WDR1: variants seen among roughly 807,000 people sequenced by gnomAD.
WDR1 encodes WD repeat-containing protein 1.
A neutral mutation model predicts 71.9 loss-of-function variants in WDR1; 21 were observed. That is an observed-to-expected ratio of 0.29 (90% CI 0.21 to 0.42). The LOEUF is 0.42. WDR1 is among the 10% of genes least tolerant of loss of function. WDR1 has a pLI of 1.00. For synonymous variants in WDR1, 424 were observed against 347.4 expected (o/e 1.22, Z -2.45); for missense variants, 696 against 824.5 (o/e 0.84, Z 1.91).
At position 10,087,925 on chromosome 4, in the gene WDR1, C is replaced by T. The variant is rs776652808; in HGVS notation, c.733G>A (p.Asp245Asn). 3.9e-5 allele frequency: 60 copies of T among 1,554,582 alleles called. No individual in the cohort carries two copies. Among genetic ancestry groups the T allele is most frequent in the South Asian group, 5.9e-5 (5 of 84,184 alleles). ...GGIYAISWSP[D>N]STHLLSASGD... ...GAAGCAGAAAGCAAATGGGTGCTGT[C>T]GGGACTCCAACTAATCTATTCAGAA... The change falls in exon 8 of 15, where the codon GAC becomes AAC. Residue 245 changes from aspartate to asparagine, a missense_variant. Physicochemically the swap from Asp to Asn is conservative, Grantham distance 23. Transcript: ENST00000499869.
rs117192964 is a variant in WDR1, at chr4:10,100,449, G to A, written c.230-1310C>T. Among the ~76,000 whole-genome samples the A allele has an allele frequency of 1.1e-3, 171 of 152,260 alleles. 5 individuals are homozygous for A. In the East Asian group the frequency reaches 0.028, roughly 25 times the overall value. ...GAGCTCGTTACGAGTCAGGTGGAAC[G>A]AGTCCACGAATTAACGGAGGCTCTA... On this transcript the variant is annotated intron_variant, in intron 3 of 14. Coordinates refer to ENST00000499869, the MANE Select transcript of WDR1 (RefSeq NM_017491.5).
Position 10,083,068 on chromosome 4 carries a change from T to C in WDR1, c.1150A>G (p.Met384Val). 6.2e-7 allele frequency: 1 copy of C among 1,613,906 alleles called. No homozygotes were observed. The highest frequency in any genetic ancestry group is 8.5e-7 in the Non-Finnish European group (1 of 1,179,870). Residue 384 changes from methionine to valine, a missense_variant, in exon 10 of 15, where the codon ATG becomes GTG. Coordinates refer to ENST00000499869, the MANE Select transcript of WDR1 (RefSeq NM_017491.5). The stretch of plus-strand genomic sequence containing the variant: ...CTGGTGTACCGCACGGTGTCGTCCA[T>C]GCTGCAGCTGATGAGCTGCCCCGAC... ...DESGQLISCSMDDTVRYTSLM... is the reference protein window; with the variant it reads ...DESGQLISCSVDDTVRYTSLM...
At chr4:10,094,223 C>A (rs1712185282) in intron 5 of WDR1, among the ~76,000 whole-genome samples, 1 of 152,230 alleles carries the variant, frequency 6.6e-6, no homozygotes, top group African/African-American at 2.4e-5. Flanking sequence ...TTTCATTAGA[C>A]ACAAACTATC....
Position 10,115,920 on chromosome 4 carries a change from G to A in WDR1, c.138+193C>T, listed in dbSNP as rs1321132682. ...TAAGACTCAGTTTCCTCATCAAGAAGGAGCAGACAAGGACCTGGGTGAATC... is the reference window on the plus strand; with the variant it reads ...TAAGACTCAGTTTCCTCATCAAGAAAGAGCAGACAAGGACCTGGGTGAATC... On this transcript the variant is annotated intron_variant, in intron 2 of 14. Transcript: ENST00000499869. 4.5e-6 allele frequency: 3 copies of A among 666,708 alleles called. No homozygotes were observed. In the East Asian group the frequency reaches 8.7e-5, roughly 19 times the overall value. The allele number at this position is 666,708 out of a possible 1,614,324, so 41.3% of individuals were successfully genotyped here.
At chr4:10,077,469 A>G in intron 13 of WDR1, 21 bp from the exon 14 acceptor site, 1 of 1,613,904 alleles carries the variant, frequency 6.2e-7, no homozygotes, top group Non-Finnish European at 8.5e-7. Flanking sequence ...GTTGAAAACA[A>G]GAGAGGTGGC....
intron 9 of WDR1, among the ~76,000 whole-genome samples, chr4:10,083,872 A>G (rs994845576): frequency 6.6e-6 from 1 of 152,224 alleles, no homozygotes; most frequent in South Asian, 2.1e-4. Context: ...ACAAGGACTT[A>G]TAAGGGGGAC....
At chr4:10,093,474 G>GGGCAGCCC (rs1436664927) in intron 5 of WDR1, among the ~76,000 whole-genome samples, 1 of 152,248 alleles carries the variant, frequency 6.6e-6, no homozygotes, top group African/African-American at 2.4e-5. Flanking sequence ...AAGTGCCCTG[G>GGGCAGCCC]GGCAGCCCTG....
At chr4:10,085,859 C>T (rs1383055877) in intron 8 of WDR1, among the ~76,000 whole-genome samples, 2 of 152,236 alleles carry the variant, frequency 1.3e-5, no homozygotes, top group Non-Finnish European at 2.9e-5. Flanking sequence ...GCGTGACTCA[C>T]ACAGGTGTGG....
At chr4:10,107,022 T>C (rs1301187824) in intron 2 of WDR1, among the ~76,000 whole-genome samples, 1 of 151,700 alleles carries the variant, frequency 6.6e-6, no homozygotes, top group East Asian at 1.9e-4. Context: ...AGATTGGGGG[T>C]TGAGAAGCTT....
At chr4:10,113,388 C>G (rs948245928) in intron 2 of WDR1, among the ~76,000 whole-genome samples, 1 of 152,126 alleles carries the variant, frequency 6.6e-6, no homozygotes, top group African/African-American at 2.4e-5. Flanking sequence ...AAAGAGAAGA[C>G]AGGGAGCAAG....
At chr4:10,102,945 A>G (rs1354210109) in intron 3 of WDR1, among the ~76,000 whole-genome samples, 2 of 152,212 alleles carry the variant, frequency 1.3e-5, no homozygotes, top group Non-Finnish European at 2.9e-5. Flanking sequence ...TTATGAATGA[A>G]TGAGTGAGTG....
chr4:10,095,354 A>G (rs770634515), intron 5 of WDR1, among the ~76,000 whole-genome samples: 2 of 152,264 alleles, frequency 1.3e-5, no homozygotes, highest in Non-Finnish European at 2.9e-5. Context: ...AACAGGCTCA[A>G]TTAATTCCTG....
intron 3 of WDR1, among the ~76,000 whole-genome samples, chr4:10,103,338 C>T (rs1283280855): frequency 2.0e-5 from 3 of 151,924 alleles, no homozygotes; most frequent in African/African-American, 7.2e-5. Context: ...CACAAGGGCT[C>T]CAACATACCA....
At chr4:10,105,319 A>C (rs1367814931) in intron 2 of WDR1, among the ~76,000 whole-genome samples, 2 of 152,202 alleles carry the variant, frequency 1.3e-5, no homozygotes, top group Non-Finnish European at 2.9e-5. Context: ...AGCCATCTCA[A>C]TAAGTGGTTT....
intron 2 of WDR1, chr4:10,115,754 CA>C (rs1713676564): frequency 5.7e-6 from 1 of 176,656 alleles, no homozygotes; most frequent in Admixed American, 6.2e-5. Flanking sequence ...TCTGATCCCT[CA>C]AATCCGGAGC....
chr4:10,088,090 G>A (rs1560533630), intron 7 of WDR1, 150 bp from the exon 8 acceptor site: 2 of 886,340 alleles, frequency 2.3e-6, no homozygotes, highest in African/African-American at 1.7e-5. Flanking sequence ...GACAACACCC[G>A]CCTCCAGGTC....
At chr4:10,082,871 C>A (rs1765069263) in intron 10 of WDR1, 151 bp downstream of exon 10, 6 of 1,063,856 alleles carry the variant, frequency 5.6e-6, no homozygotes, top group Non-Finnish European at 7.8e-6. Context: ...GGGCTCAGGG[C>A]CCAACAACAG....
chr4:10,103,107 G>C (rs947091063), intron 3 of WDR1, among the ~76,000 whole-genome samples: 1 of 152,118 alleles, frequency 6.6e-6, no homozygotes, highest in African/African-American at 2.4e-5. Context: ...CCCTGCCTCT[G>C]CCTAGCCTCC....
chr4:10,081,689 G>A (rs1765022107), intron 10 of WDR1, among the ~76,000 whole-genome samples: 1 of 149,646 alleles, frequency 6.7e-6, no homozygotes, highest in Admixed American at 6.6e-5. Flanking sequence ...AGGGGCGGGA[G>A]GCGGTGAAAG....
Sources: allele counts gnomAD v4.1 joint callset (sites outside exome capture counted in the v4.1 genomes callset), GRCh38; gene constraint gnomAD v4.1.1; transcripts MANE v1.5; gene names NCBI Gene and HGNC (gene_info 2026-07-23, HGNC 2026-07-21).